PRKRA: variants seen among roughly 807,000 people sequenced by gnomAD.
PRKRA encodes protein activator of interferon induced protein kinase EIF2AK2, also known as interferon-inducible double-stranded RNA-dependent protein kinase activator A.
A neutral mutation model predicts 32.4 loss-of-function variants in PRKRA; 22 were observed. The ratio of observed to expected loss-of-function variants is 0.68; its 90% CI spans 0.49 to 0.97. PRKRA has a LOEUF of 0.97. Ranked by LOEUF, PRKRA falls within the 50% of genes least tolerant of loss-of-function variation. The pLI is 0.00. For missense variants in PRKRA, 319 were observed against 375.6 expected (o/e 0.85, Z 1.25); for synonymous variants, 139 against 129.8 (o/e 1.07, Z -0.48).
At position 178,444,483 on chromosome 2, in the gene PRKRA, G is replaced by C. The variant is rs151157679; in HGVS notation, c.335C>G (p.Pro112Arg). ...TTGCTTGGAAGGGTCAGGCATTAAG[G>C]GGTCAGGAACTGCAAAGCTAAATAT... The part of the protein sequence containing the change: ...NASICFAVPD[P>R]LMPDPSKQPK... Residue 112 changes from proline to arginine, a missense_variant, in exon 4 of 8, where the codon CCC becomes CGC. By Grantham distance (103) the Pro-to-Arg change is moderately radical. Transcript: ENST00000325748. The C allele has an allele frequency of 3.4e-5, 55 of 1,603,552 alleles. No homozygotes were observed. Among genetic ancestry groups the C allele is most frequent in the Non-Finnish European group, 4.4e-5 (51 of 1,170,734 alleles).
chr2:178,446,949 C>CG (rs1422441939), intron 3 of PRKRA, among the ~76,000 whole-genome samples: 1 of 145,136 alleles, frequency 6.9e-6, no homozygotes, highest in Non-Finnish European at 1.5e-5. Context: ...GCCGAGATCC[C>CG]GCCACTGCAC....
At chr2:178,433,097 A>G (rs6739142) in intron 7 of PRKRA, among the ~76,000 whole-genome samples, 44,621 of 152,108 alleles carry the variant, frequency 0.29, 7,857 homozygotes, top group East Asian at 0.64. Flanking sequence ...TTTAATGAGT[A>G]AAGAGGCTTT....
intron 6 of PRKRA, 113 bp downstream of exon 6, chr2:178,441,497 A>C: frequency 3.9e-6 from 3 of 766,054 alleles, no homozygotes; most frequent in South Asian, 3.0e-5. Flanking sequence ...AATAATGAAG[A>C]GATTTCTAAA....
chr2:178,448,924 G>A (rs1697425963), intron 2 of PRKRA, among the ~76,000 whole-genome samples: 1 of 152,234 alleles, frequency 6.6e-6, no homozygotes, highest in Non-Finnish European at 1.5e-5. Flanking sequence ...TGAGGGAAAA[G>A]ATGGATTCAG....
intron 2 of PRKRA, among the ~76,000 whole-genome samples, chr2:178,448,961 C>A (rs1559359594): frequency 6.6e-6 from 1 of 152,170 alleles, no homozygotes; most frequent in Non-Finnish European, 1.5e-5. Flanking sequence ...GCTTGAGGGG[C>A]CTCTGTGTCA....
intron 7 of PRKRA, 136 bp from the exon 8 acceptor site, chr2:178,432,390 T>C: frequency 8.3e-7 from 1 of 1,210,420 alleles, no homozygotes; most frequent in Non-Finnish European, 1.2e-6. Flanking sequence ...GCAATCTTTG[T>C]TTTGCTTGTA....
rs115197923 is a variant in PRKRA, at chr2:178,444,239, A to G, written c.396+183T>C. On this transcript the variant is annotated intron_variant, in intron 4 of 7. Coordinates refer to ENST00000325748, the MANE Select transcript of PRKRA (RefSeq NM_003690.5). ...GCCAAAGGCAAATACTGTATATGAA[A>G]GAAAACCCAGAACATAAATAGGAAA... Among the ~76,000 whole-genome samples the G allele has an allele frequency of 7.4e-3, 1,125 of 152,348 alleles. 16 individuals are homozygous for G. Among genetic ancestry groups the G allele is most frequent in the African/African-American group, 0.026 (1,063 of 41,580 alleles).
chr2:178,450,819 G>C (rs1270388144), intron 1 of PRKRA, 147 bp downstream of exon 1: 4 of 1,342,978 alleles, frequency 3.0e-6, no homozygotes, highest in East Asian at 6.2e-5. Context: ...TCGCCGCCGA[G>C]AGGGCGGGGC....
chr2:178,444,382 T>C (rs1327920115), intron 4 of PRKRA, 40 bp downstream of exon 4: 1 of 1,460,166 alleles, frequency 6.8e-7, no homozygotes, highest in Non-Finnish European at 9.6e-7. Context: ...TACAAACTTA[T>C]TATATATTTC....
chr2:178,451,081 TG>T lies in PRKRA; in HGVS notation c.-52del. 2 of 1,529,156 alleles carry T rather than the reference TG, an allele frequency of 1.3e-6. No homozygotes were observed. The highest frequency in any genetic ancestry group is 1.8e-6 in the Non-Finnish European group (2 of 1,140,558). 94.7% of individuals were successfully genotyped at this position (1,529,156 alleles called of 1,614,324 possible). On this transcript the variant is annotated 5_prime_UTR_variant, in exon 1 of 8. Transcript: ENST00000325748. The stretch of plus-strand genomic sequence containing the variant: ...GGAGGAAGAGCGGTGCGGAGCGACG[TG>T]CTCGCTCCCCGGGTCGCTGGTCCCC...
Position 178,436,141 on chromosome 2 carries a change from A to G in PRKRA, c.784+4T>C. The G allele has an allele frequency of 1.3e-6, 1 of 794,216 alleles. No individual in the cohort carries two copies. Among genetic ancestry groups the G allele is most frequent in the Non-Finnish European group, 1.8e-6 (1 of 548,310 alleles). The allele number at this position is 794,216 out of a possible 1,614,324, so 49.2% of individuals were successfully genotyped here. A position where few individuals can be genotyped will look rare whatever the true frequency, so the allele number is the denominator to read the frequency against. ...TGGGAAAGCCAAAGAAAAAAAAATC[A>G]TACCTATATCCAAATATGTTATATT... On this transcript the variant is annotated splice_donor_region_variant and intron_variant, in intron 7 of 7. Transcript: ENST00000325748.
At chr2:178,447,955 T>G (rs538312732) in intron 2 of PRKRA, among the ~76,000 whole-genome samples, 3 of 152,354 alleles carry the variant, frequency 2.0e-5, no homozygotes, top group South Asian at 4.1e-4. Flanking sequence ...TACTCTTCCT[T>G]TATTCCTGGA....
chr2:178,445,666 T>C (rs1213117755), intron 3 of PRKRA: 2 of 154,460 alleles, frequency 1.3e-5, no homozygotes, highest in Middle Eastern at 5.1e-4. Flanking sequence ...CTTCAGGCTA[T>C]ACAGAAACAG....
chr2:178,443,037 T>C (rs1043499801), intron 5 of PRKRA, among the ~76,000 whole-genome samples: 6 of 152,232 alleles, frequency 3.9e-5, no homozygotes, highest in African/African-American at 1.4e-4. Flanking sequence ...AGCCAACAGT[T>C]TGTCTTTCTA....
chr2:178,447,904 T>C (rs1386394733), intron 2 of PRKRA, among the ~76,000 whole-genome samples: 1 of 152,232 alleles, frequency 6.6e-6, no homozygotes, highest in Non-Finnish European at 1.5e-5. Context: ...GGTAATAAAG[T>C]AGACCGTGTC....
intron 4 of PRKRA, chr2:178,443,927 G>A (rs988298543): frequency 5.9e-6 from 1 of 170,714 alleles, no homozygotes; most frequent in Admixed American, 5.5e-5. Context: ...CAGAGCACAT[G>A]GATAATCTGC....
intron 7 of PRKRA, among the ~76,000 whole-genome samples, chr2:178,432,965 G>A: frequency 6.6e-6 from 1 of 152,158 alleles, no homozygotes. Flanking sequence ...AAAGATGGCT[G>A]AAATGAGGGC....
rs561489257 is a variant in PRKRA at position 178,436,755 on chromosome 2, C to A, written c.610-436G>T. On this transcript the variant is annotated intron_variant, in intron 6 of 7. Coordinates refer to ENST00000325748, the MANE Select transcript of PRKRA (RefSeq NM_003690.5). ...ACCAATCACTATAACTGACAGCTAT[C>A]AAACAGGAAAAAAAACAGAAAAAAA... 1.5e-3 allele frequency among the ~76,000 whole-genome samples: 222 copies of A among 148,474 alleles called. 6 individuals are homozygous for A. The South Asian group carries it at 0.023, about 15-fold the overall frequency.
chr2:178,450,611 G>A, intron 1 of PRKRA, 200 bp from the exon 2 acceptor site: 9 of 1,469,928 alleles, frequency 6.1e-6, no homozygotes, highest in South Asian at 5.5e-5. Context: ...CAGGCGGGGT[G>A]AGCGAGGTCT....
Sources: allele counts gnomAD v4.1 joint callset (sites outside exome capture counted in the v4.1 genomes callset), GRCh38; gene constraint gnomAD v4.1.1; transcripts MANE v1.5; gene names NCBI Gene and HGNC (gene_info 2026-07-23, HGNC 2026-07-21).